SLC43A2: variants seen among roughly 807,000 people sequenced by gnomAD.
SLC43A2 encodes the protein large neutral amino acids transporter small subunit 4.
SLC43A2 carries 38 observed loss-of-function variants against 63.2 expected under a neutral mutation model. That is an observed-to-expected ratio of 0.60 (90% CI 0.46 to 0.79). The LOEUF is 0.79. SLC43A2 is among the 30% of genes least tolerant of loss of function. SLC43A2 has a pLI of 0.00. For missense variants in SLC43A2, 644 were observed against 756.2 expected (o/e 0.85, Z 1.74); for synonymous variants, 322 against 331.0 (o/e 0.97, Z 0.30).
At chr17:1,582,876 C>T (rs892968308) in intron 11 of SLC43A2, among the ~76,000 whole-genome samples, 2 of 152,108 alleles carry the variant, frequency 1.3e-5, no homozygotes, top group African/African-American at 2.4e-5. Flanking sequence ...GTCAGGAGTT[C>T]GAGACTAGCC....
At chr17:1,599,087 G>GC (rs1301127312) in intron 5 of SLC43A2, among the ~76,000 whole-genome samples, 5 of 152,180 alleles carry the variant, frequency 3.3e-5, no homozygotes, top group South Asian at 4.1e-4. Context: ...GGTGGCTCAC[G>GC]CCTGTAATCG....
At position 1,605,214 on chromosome 17, in the gene SLC43A2, A is replaced by G; in HGVS notation, c.501+7981T>C. 8.9e-7 allele frequency: 1 copy of G among 1,119,782 alleles called. No individual in the cohort carries two copies. Among genetic ancestry groups the G allele is most frequent in the South Asian group, 2.3e-5 (1 of 42,832 alleles). The allele number at this position is 1,119,782 out of a possible 1,614,324, so 69.4% of individuals were successfully genotyped here. A position where few individuals can be genotyped will look rare whatever the true frequency, so the allele number is the denominator to read the frequency against. The stretch of plus-strand genomic sequence containing the variant: ...TCACTGCCTCCACGCAGCCTCAGTC[A>G]CACAGGGAAGCCCGTGACTCTCTCT... On this transcript the variant is annotated intron_variant, in intron 5 of 13. Coordinates refer to ENST00000301335, the MANE Select transcript of SLC43A2 (RefSeq NM_152346.3). This position sits in a 1 kb window ranked among gnomAD's most constrained non-coding sequence, Gnocchi z 4.9.
rs377103370 is a variant in SLC43A2, at chr17:1,578,588, C to T, written c.1351-265G>A. On this transcript the variant is annotated intron_variant, in intron 11 of 13. Transcript: ENST00000301335. This position sits in a 1 kb window ranked among gnomAD's most constrained non-coding sequence, Gnocchi z 6.5. ...TGTCGCCCAGGCTGGAGTGCAGTGG[C>T]GTGATCTTGGCTCACTGCAAGCTTC... 4.4e-6 allele frequency: 2 copies of T among 452,636 alleles called. No homozygotes were observed. Among genetic ancestry groups the T allele is most frequent in the Non-Finnish European group, 8.0e-6 (2 of 250,070 alleles). The allele number at this position is 452,636 out of a possible 1,614,324, so 28.0% of individuals were successfully genotyped here.
At position 1,578,465 on chromosome 17, in the gene SLC43A2, T is replaced by A. The variant is rs150808557; in HGVS notation, c.1351-142A>T. 344 of 687,374 alleles carry A rather than the reference T, an allele frequency of 5.0e-4. 2 individuals are homozygous for A. The African/African-American group carries it at 5.7e-3, about 11-fold the overall frequency. The allele number at this position is 687,374 out of a possible 1,614,324, so 42.6% of individuals were successfully genotyped here. A position where few individuals can be genotyped will look rare whatever the true frequency, so the allele number is the denominator to read the frequency against. On this transcript the variant is annotated intron_variant, in intron 11 of 13. Transcript: ENST00000301335. The surrounding 1 kb of genome is among the most constrained non-coding windows in gnomAD (Gnocchi z 6.5). ...CAACCCCATCCTCCGGAGCCAATTG[T>A]GAATTTTCAGAAATTTTGCAAGCCA...
chr17:1,620,718 T>A (rs968067870), intron 2 of SLC43A2, among the ~76,000 whole-genome samples: 2 of 151,982 alleles, frequency 1.3e-5, no homozygotes, highest in Non-Finnish European at 2.9e-5. Context: ...AGGAAGCCCT[T>A]GGTGAGCCCA....
intron 2 of SLC43A2, among the ~76,000 whole-genome samples, chr17:1,622,640 G>T (rs533214242): frequency 1.3e-5 from 2 of 152,088 alleles, no homozygotes; most frequent in East Asian, 3.9e-4. Flanking sequence ...TGAGCTGGGC[G>T]CAGTGGCTCA....
intron 5 of SLC43A2, among the ~76,000 whole-genome samples, chr17:1,602,808 G>A (rs1598470663): frequency 6.9e-6 from 1 of 145,908 alleles, no homozygotes; most frequent in East Asian, 2.0e-4. Context: ...GCCCAGGCTG[G>A]AGTGCAATGG....
chr17:1,615,775 G>A (rs997223177), intron 3 of SLC43A2, among the ~76,000 whole-genome samples: 55 of 147,922 alleles, frequency 3.7e-4, no homozygotes, highest in East Asian at 4.0e-4. Flanking sequence ...CCCGGGAGGC[G>A]GAGCTCGCAG....
Position 1,583,552 on chromosome 17 carries a change from C to G in SLC43A2, c.1218-216G>C. The G allele has an allele frequency of 1.4e-6, 1 of 694,490 alleles. No individual in the cohort carries two copies. The highest frequency in any genetic ancestry group is 2.3e-6 in the Non-Finnish European group (1 of 436,840). 43.0% of individuals were successfully genotyped at this position (694,490 alleles called of 1,614,324 possible). A position where few individuals can be genotyped will look rare whatever the true frequency, so the allele number is the denominator to read the frequency against. Reference sequence around the variant, plus strand: ...GCTGAGTGTGACTCTCGGAGGGGGTCTCGGGTACAAGAAGATGGCCATCCA... The same window carrying G: ...GCTGAGTGTGACTCTCGGAGGGGGTGTCGGGTACAAGAAGATGGCCATCCA... On this transcript the variant is annotated intron_variant, in intron 10 of 13. Transcript: ENST00000301335. The surrounding 1 kb of genome is among the most constrained non-coding windows in gnomAD (Gnocchi z 5.5).
chr17:1,615,679 T>C (rs1290737210), intron 3 of SLC43A2, among the ~76,000 whole-genome samples: 1 of 148,858 alleles, frequency 6.7e-6, no homozygotes, highest in Non-Finnish European at 1.5e-5. Context: ...CCGTCTCTAC[T>C]AAAAATACAA....
chr17:1,569,460 T>C lies in SLC43A2; in HGVS notation c.*6144A>G, dbSNP rs2075815788. 6.6e-6 allele frequency: 1 copy of C among 152,338 alleles called. No homozygotes were observed. Among genetic ancestry groups the C allele is most frequent in the East Asian group, 1.9e-4 (1 of 5,184 alleles). 9.4% of individuals were successfully genotyped at this position (152,338 alleles called of 1,614,324 possible). A position where few individuals can be genotyped will look rare whatever the true frequency, so the allele number is the denominator to read the frequency against. ...TCTTGGGGCCGCTCCTGCCCAGGTG[T>C]TCTTTCCAGCAATGGAAAGGGATTC... On this transcript the variant is annotated 3_prime_UTR_variant, in exon 14 of 14. Coordinates refer to ENST00000301335, the MANE Select transcript of SLC43A2 (RefSeq NM_152346.3).
rs185046745 is a variant in SLC43A2, at chr17:1,628,255, G to A, written c.-46-335C>T. On this transcript the variant is annotated intron_variant, in intron 1 of 13. Coordinates refer to ENST00000301335, the MANE Select transcript of SLC43A2 (RefSeq NM_152346.3). ...GTGGAACTAGTCCTGGCCTGCAGCA[G>A]GACTGACATCGCCTGGGGCCAGCAT... The A allele has an allele frequency of 6.3e-3, 1,091 of 173,224 alleles. 6 individuals carry two copies. The highest frequency in any genetic ancestry group is 7.8e-3 in the Non-Finnish European group (646 of 82,320). The allele number at this position is 173,224 out of a possible 1,614,324, so 10.7% of individuals were successfully genotyped here. A position where few individuals can be genotyped will look rare whatever the true frequency, so the allele number is the denominator to read the frequency against.
At chr17:1,576,473 A>T in intron 13 of SLC43A2, 124 bp downstream of exon 13, 5 of 1,106,960 alleles carry the variant, frequency 4.5e-6, no homozygotes, top group Non-Finnish European at 6.3e-6. Context: ...GGGACTCTTA[A>T]CCAATCCTAA....
intron 9 of SLC43A2, among the ~76,000 whole-genome samples, chr17:1,588,662 C>T (rs1160612803): frequency 4.2e-5 from 6 of 143,656 alleles, no homozygotes; most frequent in African/African-American, 1.3e-4. Context: ...TGCACCACTG[C>T]ACTCCAGCCT....
rs955851295 is a variant in SLC43A2 at position 1,588,984 on chromosome 17, G to A, written c.1078+1818C>T. Among the ~76,000 whole-genome samples the A allele has an allele frequency of 5.9e-5, 9 of 152,354 alleles. No homozygotes were observed. In the South Asian group the frequency reaches 1.2e-3, roughly 21 times the overall value. On this transcript the variant is annotated intron_variant, in intron 9 of 13. Transcript: ENST00000301335. ...CCTCCTGCGGAGCCGCAAAGCTCACGAGTGTGCGGAAAGTGACCCGGACCC... is the reference window on the plus strand; with the variant it reads ...CCTCCTGCGGAGCCGCAAAGCTCACAAGTGTGCGGAAAGTGACCCGGACCC...
At chr17:1,591,194 G>T in intron 8 of SLC43A2, 75 bp downstream of exon 8, 2 of 1,547,506 alleles carry the variant, frequency 1.3e-6, no homozygotes, top group East Asian at 2.3e-5. Context: ...CTTTTGGGGT[G>T]AGGTGGGAAT....
chr17:1,615,267 G>A (rs965991822), intron 3 of SLC43A2, among the ~76,000 whole-genome samples: 5 of 151,622 alleles, frequency 3.3e-5, no homozygotes, highest in Admixed American at 6.6e-5. Flanking sequence ...CCACCACCAC[G>A]CGTGGCTAAT....
chr17:1,582,959 A>G (rs1027148268), intron 11 of SLC43A2, among the ~76,000 whole-genome samples: 1 of 152,242 alleles, frequency 6.6e-6, no homozygotes, highest in East Asian at 1.9e-4. Context: ...CGCACCTGTA[A>G]TCCCAGCTAC....
At chr17:1,614,473 A>AGGAGGCTACTTCACT in intron 4 of SLC43A2, among the ~76,000 whole-genome samples, 1 of 152,152 alleles carries the variant, frequency 6.6e-6, no homozygotes, top group East Asian at 1.9e-4. Context: ...AGGAGGCCTA[A>AGGAGGCTACTTCACT]GAAACCAAAA....
Sources: gnomAD v4.1 joint callset for allele counts (sites outside exome capture counted in the v4.1 genomes callset) on GRCh38, gnomAD v4.1.1 for gene constraint, Gnocchi (gnomAD v3.1) non-coding constraint, MANE v1.5 for transcripts, NCBI Gene and HGNC (gene_info 2026-07-23, HGNC 2026-07-21) for gene names.